The following RLF variants were observed in gnomAD, a reference collection of about 807,000 sequenced individuals.
The protein encoded by RLF is RLF zinc finger, also known as zinc finger protein Rlf.
A neutral mutation model predicts 162.9 loss-of-function variants in RLF; 7 were observed. The ratio of observed to expected loss-of-function variants is 0.04; its 90% CI spans 0.02 to 0.08. The LOEUF (loss-of-function observed/expected upper bound fraction) is 0.08, where lower values mean the gene tolerates loss of function less well. Among genes scored for constraint, RLF ranks in the 10% least tolerant of loss-of-function variants. The probability of loss-of-function intolerance (pLI) is 1.00; values close to 1 mark genes in which losing one functional copy is unlikely to be tolerated. For synonymous variants in RLF, 782 were observed against 791.5 expected (o/e 0.99, Z 0.20); for missense variants, 1,664 against 2,244.7 (o/e 0.74, Z 5.23).
At chr1:40,207,903 G>A (rs184026009) in intron 5 of RLF, among the ~76,000 whole-genome samples, 17 of 152,262 alleles carry the variant, frequency 1.1e-4, no homozygotes, top group Non-Finnish European at 2.4e-4. Flanking sequence ...AAGCCACCAC[G>A]CCTGGCCCCT....
intron 1 of RLF, among the ~76,000 whole-genome samples, chr1:40,179,690 C>G (rs1039943980): frequency 2.0e-5 from 3 of 152,054 alleles, no homozygotes; most frequent in African/African-American, 7.3e-5. Context: ...ATCCATCCAT[C>G]TCCAGAACTT....
intron 6 of RLF, among the ~76,000 whole-genome samples, chr1:40,224,578 CTTT>C (rs59980316): frequency 1.1e-3 from 43 of 40,446 alleles, no homozygotes; most frequent in African/African-American, 3.0e-3. Context: ...CTGGCCACAT[CTTT>C]TTTTTTTTTT....
rs552765150 is a variant in RLF, at chr1:40,170,450, A to G, written c.237+8814A>G. ...GCTAATTTTTGTATTTTGTAGAGATAGGGTTTCGCCACGTTGTCCAAGCTG... is the reference window on the plus strand; with the variant it reads ...GCTAATTTTTGTATTTTGTAGAGATGGGGTTTCGCCACGTTGTCCAAGCTG... On this transcript the variant is annotated intron_variant, in intron 1 of 7. Transcript: ENST00000372771. 5.9e-5 allele frequency among the ~76,000 whole-genome samples: 9 copies of G among 152,080 alleles called. No individual in the cohort carries two copies. In the South Asian group the frequency reaches 8.3e-4, roughly 14 times the overall value.
chr1:40,176,598 C>A (rs954775471), intron 1 of RLF, among the ~76,000 whole-genome samples: 1 of 152,178 alleles, frequency 6.6e-6, no homozygotes, highest in Non-Finnish European at 1.5e-5. Context: ...TGTCACCACA[C>A]CTGGCTAATT....
At chr1:40,207,566 G>A (rs1642812859) in intron 5 of RLF, among the ~76,000 whole-genome samples, 1 of 152,054 alleles carries the variant, frequency 6.6e-6, no homozygotes, top group Admixed American at 6.6e-5. Context: ...CCCTGCTATG[G>A]CCCAGATCAT....
intron 1 of RLF, among the ~76,000 whole-genome samples, chr1:40,164,883 A>G (rs965287036): frequency 3.3e-5 from 5 of 152,160 alleles, no homozygotes; most frequent in African/African-American, 7.2e-5. Context: ...TAGATTTTTG[A>G]TGGCTAAAAT....
rs114466120 is a variant in RLF at position 40,172,722 on chromosome 1, C to G, written c.237+11086C>G. Among the ~76,000 whole-genome samples the G allele has an allele frequency of 3.5e-3, 528 of 152,206 alleles. 2 individuals carry two copies. Among genetic ancestry groups the G allele is most frequent in the Middle Eastern group, 6.8e-3 (2 of 294 alleles). On this transcript the variant is annotated intron_variant, in intron 1 of 7. Transcript: ENST00000372771. ...CAGAGGTTACAGTGAGCTGAGATTG[C>G]GTCACTGCACTCTATCCTGGGCAAC... is the stretch of plus-strand genomic sequence containing the variant.
In RLF at chr1:40,239,733, T is replaced by C. The variant is rs774134514; in HGVS notation, c.5031T>C (p.Ser1677=). ...GGGGAACTTTGAAATGTAATCATAG[T>C]TCCAAAACCACTTCCCTAGAACAGT... The part of the protein sequence containing the change: ...LYRGTLKCNH[S]SKTTSLEQCN... Residue 1677 remains serine (S), a synonymous_variant, in exon 8 of 8, where the codon AGT becomes AGC. Coordinates refer to ENST00000372771, the MANE Select transcript of RLF (RefSeq NM_012421.4). The C allele has an allele frequency of 1.2e-6, 2 of 1,614,152 alleles. No homozygotes were observed. The highest frequency in any genetic ancestry group is 1.7e-6 in the Non-Finnish European group (2 of 1,180,016).
chr1:40,179,853 G>A (rs1341727556), intron 1 of RLF, among the ~76,000 whole-genome samples: 1 of 152,060 alleles, frequency 6.6e-6, no homozygotes, highest in Non-Finnish European at 1.5e-5. Context: ...TACAGTATTT[G>A]TCTTGTTGTG....
chr1:40,193,023 A>C lies in RLF; in HGVS notation c.474+2170A>C, dbSNP rs1327398701. 8.6e-5 allele frequency among the ~76,000 whole-genome samples: 13 copies of C among 151,462 alleles called. 1 individual carries two copies. Among genetic ancestry groups the C allele is most frequent in the Admixed American group, 4.6e-4 (7 of 15,176 alleles). On this transcript the variant is annotated intron_variant, in intron 3 of 7. Transcript: ENST00000372771. ...AGATCTCCTGTTTTGATGATCACCT[A>C]GAATTCTGTTTTGTGGTTGTGCCTT...
chr1:40,225,598 C>T (rs1035819322), intron 6 of RLF, among the ~76,000 whole-genome samples: 40 of 134,902 alleles, frequency 3.0e-4, no homozygotes, highest in African/African-American at 1.2e-3. Flanking sequence ...AAAAAAAAGC[C>T]GGGCGCGGTG....
chr1:40,185,656 CAAAAAAAA>C (rs1163398364), intron 1 of RLF, among the ~76,000 whole-genome samples: 12 of 38,752 alleles, frequency 3.1e-4, no homozygotes, highest in South Asian at 1.7e-3. Flanking sequence ...ACTAAAAATA[CAAAAAAAA>C]AAAAAAAAAA....
chr1:40,230,986 A>T (rs768677176), intron 6 of RLF, among the ~76,000 whole-genome samples: 57 of 152,220 alleles, frequency 3.7e-4, no homozygotes, highest in Non-Finnish European at 6.0e-4. Flanking sequence ...AAAAAGTGCC[A>T]TTTTACTTAT....
intron 1 of RLF, among the ~76,000 whole-genome samples, chr1:40,178,156 G>A (rs1166970771): frequency 4.6e-5 from 7 of 151,618 alleles, no homozygotes; most frequent in African/African-American, 1.7e-4. Flanking sequence ...TTTTTTTAAA[G>A]TTGCAGCACC....
chr1:40,168,221 TAAATA>T (rs1192980153), intron 1 of RLF, among the ~76,000 whole-genome samples: 1 of 151,992 alleles, frequency 6.6e-6, no homozygotes, highest in Admixed American at 6.6e-5. Flanking sequence ...TCTCAATAAA[TAAATA>T]AATAGAAAGA....
At chr1:40,214,474 C>G (rs896559555) in intron 5 of RLF, among the ~76,000 whole-genome samples, 1 of 152,092 alleles carries the variant, frequency 6.6e-6, no homozygotes, top group African/African-American at 2.4e-5. Flanking sequence ...TGTCACACTG[C>G]GCATGTTTGT....
At chr1:40,221,620 G>A (rs1472832974) in intron 5 of RLF, among the ~76,000 whole-genome samples, 1 of 151,528 alleles carries the variant, frequency 6.6e-6, no homozygotes, top group African/African-American at 2.4e-5. Context: ...AAAAAAAAAG[G>A]CCGGGCACGG....
At chr1:40,188,168 G>C (rs1642507141) in intron 1 of RLF, among the ~76,000 whole-genome samples, 1 of 152,172 alleles carries the variant, frequency 6.6e-6, no homozygotes, top group African/African-American at 2.4e-5. Flanking sequence ...ATGAACAAGA[G>C]AGAAAACAAC....
chr1:40,186,284 A>T (rs553224090), intron 1 of RLF, among the ~76,000 whole-genome samples: 21 of 151,364 alleles, frequency 1.4e-4, no homozygotes, highest in African/African-American at 4.1e-4. Flanking sequence ...ATCTCAATTT[A>T]AAAAAAAAGT....
Sources: gnomAD v4.1 joint callset for allele counts (sites outside exome capture counted in the v4.1 genomes callset) on GRCh38, gnomAD v4.1.1 for gene constraint, MANE v1.5 for transcripts, NCBI Gene and HGNC (gene_info 2026-07-23, HGNC 2026-07-21) for gene names.